ITPR1: variants seen among roughly 807,000 people sequenced by gnomAD.
The protein encoded by ITPR1 is inositol 1,4,5-trisphosphate receptor type 1, also known as inositol 1,4,5-trisphosphate-gated calcium channel ITPR1.
ITPR1 carries 96 observed loss-of-function variants against 318.4 expected under a neutral mutation model. That is an observed-to-expected ratio of 0.30 (90% CI 0.26 to 0.36). ITPR1 has a LOEUF of 0.36. ITPR1 is among the 10% of genes least tolerant of loss of function. The pLI is 1.00. For synonymous variants in ITPR1, 1,312 were observed against 1,289.9 expected, an observed-to-expected ratio of 1.02 and a Z score of -0.37; for missense variants, 2,440 against 3,460.2, an observed-to-expected ratio of 0.71 and a Z score of 7.40.
chr3:4,765,684 G>A (rs554579722), intron 44 of ITPR1, among the ~76,000 whole-genome samples: 1 of 152,106 alleles, frequency 6.6e-6, no homozygotes, highest in African/African-American at 2.4e-5. Flanking sequence ...CTCTGGAAAT[G>A]ACCGTATTGT....
intron 61 of ITPR1, among the ~76,000 whole-genome samples, chr3:4,838,103 T>C (rs1474453663): frequency 6.6e-6 from 1 of 152,178 alleles, no homozygotes; most frequent in Non-Finnish European, 1.5e-5. Context: ...TATATTAATA[T>C]TTCTTTTCAA....
At chr3:4,519,908 T>G (rs1285749697) in intron 3 of ITPR1, among the ~76,000 whole-genome samples, 1 of 151,846 alleles carries the variant, frequency 6.6e-6, no homozygotes, top group Non-Finnish European at 1.5e-5. Flanking sequence ...AGGCAGAGAG[T>G]GTCTGGCGCA....
intron 52 of ITPR1, 32 bp downstream of exon 52, chr3:4,788,171 G>A (rs767873621): frequency 6.5e-7 from 1 of 1,544,060 alleles, no homozygotes; most frequent in Admixed American, 1.9e-5. Context: ...ACAACACAGA[G>A]AGACACAGTT....
chr3:4,642,027 G>A (rs1270852837), intron 6 of ITPR1, 66 bp from the exon 7 acceptor site: 1 of 1,322,982 alleles, frequency 7.6e-7, no homozygotes, highest in African/African-American at 1.5e-5. Context: ...TGGTATGATT[G>A]AGAGAAGGAA....
chr3:4,768,911 C>CTTTTTTTTTT (rs201819900), intron 46 of ITPR1, 147 bp downstream of exon 46: 1 of 675,658 alleles, frequency 1.5e-6, no homozygotes, highest in Non-Finnish European at 2.3e-6. Flanking sequence ...TTTCTTTTTT[C>CTTTTTTTTTT]TTTTTTCTTT....
Position 4,768,614 on chromosome 3 carries a change from T to G in ITPR1, c.5829T>G (p.Asp1943Glu). 1.2e-6 allele frequency: 2 copies of G among 1,613,986 alleles called. No individual in the cohort carries two copies. Among genetic ancestry groups the G allele is most frequent in the Non-Finnish European group, 1.7e-6 (2 of 1,179,896 alleles). The change falls in exon 46 of 62, where the codon GAT becomes GAG. Residue 1943 changes from aspartate to glutamate, a missense_variant. Physicochemically the swap from Asp to Glu is conservative, Grantham distance 45. Coordinates refer to ENST00000649015, the MANE Select transcript of ITPR1 (RefSeq NM_001378452.1). Reference protein sequence around the residue: ...KAFTTFRREADPDDHYQPGEG... With the variant: ...KAFTTFRREAEPDDHYQPGEG... ...TCACCACTTTCAGGAGGGAGGCTGA[T>G]CCCGACGACCACTACCAGCCTGGAG...
At chr3:4,768,866 G>T in intron 46 of ITPR1, 102 bp downstream of exon 46, 1 of 1,147,174 alleles carries the variant, frequency 8.7e-7, no homozygotes, top group Non-Finnish European at 1.2e-6. Context: ...CAGATTGCTT[G>T]AGCCAAGGAT....
At chr3:4,502,560 C>T (rs556297343) in intron 2 of ITPR1, among the ~76,000 whole-genome samples, 2 of 152,050 alleles carry the variant, frequency 1.3e-5, no homozygotes, top group South Asian at 2.1e-4. Flanking sequence ...CCTGCCTCAG[C>T]CTCCTGAGTA....
chr3:4,741,208 TA>T, intron 44 of ITPR1, among the ~76,000 whole-genome samples: 1 of 152,156 alleles, frequency 6.6e-6, no homozygotes, highest in East Asian at 1.9e-4. Flanking sequence ...CCTCGTTTTT[TA>T]TTTTTGTTTT....
At chr3:4,569,242 C>A (rs748516675) in intron 4 of ITPR1, among the ~76,000 whole-genome samples, 60 of 152,168 alleles carry the variant, frequency 3.9e-4, no homozygotes, top group Non-Finnish European at 8.1e-4. Context: ...ATTAAATTTG[C>A]CTTATTTTTA....
intron 40 of ITPR1, among the ~76,000 whole-genome samples, chr3:4,720,987 T>C (rs1011419650): frequency 2.0e-5 from 3 of 151,922 alleles, no homozygotes; most frequent in African/African-American, 7.3e-5. Flanking sequence ...TCACTGCTGA[T>C]GTGTGACCTT....
At chr3:4,825,804 G>A (rs1402671761) in intron 60 of ITPR1, 7 of 456,742 alleles carry the variant, frequency 1.5e-5, no homozygotes, top group South Asian at 1.1e-4. Context: ...GGGGACAACA[G>A]CTTCCAGCCA....
At chr3:4,677,501 T>C (rs991220409) in intron 24 of ITPR1, among the ~76,000 whole-genome samples, 1 of 152,022 alleles carries the variant, frequency 6.6e-6, no homozygotes, top group Non-Finnish European at 1.5e-5. Context: ...CACACAGATA[T>C]CTTGGGAAAG....
intron 60 of ITPR1, among the ~76,000 whole-genome samples, chr3:4,818,760 A>G (rs2049475618): frequency 6.6e-6 from 1 of 152,140 alleles, no homozygotes; most frequent in African/African-American, 2.4e-5. Flanking sequence ...TTGAGTTCCA[A>G]ATTAATCTTT....
chr3:4,842,674 A>G (rs2051440847), intron 61 of ITPR1, among the ~76,000 whole-genome samples: 1 of 152,174 alleles, frequency 6.6e-6, no homozygotes, highest in African/African-American at 2.4e-5. Context: ...GGATTTTTAA[A>G]TGTACTATAA....
chr3:4,815,766 A>G (rs1016193319), intron 59 of ITPR1, among the ~76,000 whole-genome samples: 1 of 152,194 alleles, frequency 6.6e-6, no homozygotes, highest in Non-Finnish European at 1.5e-5. Context: ...TAATATAGCT[A>G]CTAAATATAT....
chr3:4,836,363 A>G (rs2050914455), intron 60 of ITPR1, among the ~76,000 whole-genome samples: 1 of 152,174 alleles, frequency 6.6e-6, no homozygotes. Context: ...AATGTACTTA[A>G]TGCCACTAAA....
intron 4 of ITPR1, among the ~76,000 whole-genome samples, chr3:4,539,781 C>G (rs1344197610): frequency 6.6e-6 from 1 of 152,110 alleles, no homozygotes; most frequent in African/African-American, 2.4e-5. Context: ...AGTACATTAG[C>G]ATGCTCAGCC....
chr3:4,586,506 G>A (rs1258575789), intron 4 of ITPR1, among the ~76,000 whole-genome samples: 3 of 122,890 alleles, frequency 2.4e-5, no homozygotes, highest in African/African-American at 5.9e-5. Flanking sequence ...AGCCTTGAGT[G>A]CTTTTTTTTT....
Sources: allele counts gnomAD v4.1 joint callset (sites outside exome capture counted in the v4.1 genomes callset), GRCh38; gene constraint gnomAD v4.1.1; transcripts MANE v1.5; gene names NCBI Gene and HGNC (gene_info 2026-07-23, HGNC 2026-07-21).